The following ZFPM2 variants were observed in gnomAD, a reference collection of about 807,000 sequenced individuals.
ZFPM2 encodes the protein zinc finger protein, FOG family member 2.
Under a neutral mutation model 98.6 loss-of-function variants are expected in ZFPM2, and 20 were observed. The observed-to-expected ratio is 0.20, with a 90% CI of 0.14 to 0.29. ZFPM2 has a LOEUF of 0.29. Among genes scored for constraint, ZFPM2 ranks in the 10% least tolerant of loss-of-function variants. The pLI is 1.00. For synonymous variants in ZFPM2, 518 were observed against 502.7 expected (o/e 1.03, Z -0.41); for missense variants, 1,310 against 1,388.6 (o/e 0.94, Z 0.90).
At chr8:105,326,881 CTA>C (rs1424075039) in intron 1 of ZFPM2, among the ~76,000 whole-genome samples, 1 of 150,502 alleles carries the variant, frequency 6.6e-6, no homozygotes, top group Non-Finnish European at 1.5e-5. Context: ...TATACATAGA[CTA>C]TCACAAAATA....
intron 1 of ZFPM2, among the ~76,000 whole-genome samples, chr8:105,329,555 A>G (rs1293229903): frequency 1.3e-5 from 2 of 151,814 alleles, no homozygotes; most frequent in Non-Finnish European, 1.5e-5. Flanking sequence ...TTGTAATCTT[A>G]TGGGGTAAAG....
chr8:105,527,741 G>A (rs1814206315), intron 3 of ZFPM2, among the ~76,000 whole-genome samples: 1 of 152,152 alleles, frequency 6.6e-6, no homozygotes, highest in African/African-American at 2.4e-5. Context: ...GGAGCTAATT[G>A]GAAATGCAGT....
chr8:105,546,883 A>G (rs1200405584), intron 3 of ZFPM2, among the ~76,000 whole-genome samples: 3 of 152,172 alleles, frequency 2.0e-5, no homozygotes, highest in Admixed American at 6.5e-5. Context: ...ATAAGAATCT[A>G]TAAAATTTAC....
At chr8:105,385,903 TTC>T (rs1471635181) in intron 1 of ZFPM2, among the ~76,000 whole-genome samples, 1 of 152,150 alleles carries the variant, frequency 6.6e-6, no homozygotes, top group Non-Finnish European at 1.5e-5. Flanking sequence ...AGTATATGGG[TTC>T]TGAGGTCAGA....
intron 1 of ZFPM2, among the ~76,000 whole-genome samples, chr8:105,335,315 T>G (rs893639944): frequency 1.3e-5 from 2 of 151,804 alleles, no homozygotes; most frequent in African/African-American, 4.8e-5. Context: ...CAGTTTTATT[T>G]AATTCATTCT....
chr8:105,534,126 C>T (rs1320102832), intron 3 of ZFPM2, among the ~76,000 whole-genome samples: 2 of 53,192 alleles, frequency 3.8e-5, no homozygotes, highest in East Asian at 5.6e-4. Context: ...TCCCTTCCTT[C>T]CTCCCTTCCT....
At chr8:105,352,584 A>G (rs1296174864) in intron 1 of ZFPM2, among the ~76,000 whole-genome samples, 4 of 144,528 alleles carry the variant, frequency 2.8e-5, no homozygotes, top group Non-Finnish European at 4.5e-5. Context: ...TTCCCATTTT[A>G]CCGTTTTTTT....
intron 3 of ZFPM2, among the ~76,000 whole-genome samples, chr8:105,543,524 ATC>A (rs981683896): frequency 5.9e-5 from 9 of 152,158 alleles, no homozygotes; most frequent in East Asian, 5.8e-4. Context: ...ATAAAATCAA[ATC>A]TCTCTCTTTT....
intron 5 of ZFPM2, among the ~76,000 whole-genome samples, chr8:105,655,076 T>A (rs2130876104): frequency 6.6e-6 from 1 of 152,316 alleles, no homozygotes; most frequent in South Asian, 2.1e-4. Context: ...GAATAAAATT[T>A]GAATTTGTCC....
intron 2 of ZFPM2, among the ~76,000 whole-genome samples, chr8:105,436,620 T>C (rs1484730731): frequency 6.6e-6 from 1 of 152,174 alleles, no homozygotes; most frequent in Non-Finnish European, 1.5e-5. Context: ...TTGCTTGCCA[T>C]GTAGTCGACT....
At chr8:105,356,745 G>A (rs966605045) in intron 1 of ZFPM2, among the ~76,000 whole-genome samples, 12 of 152,168 alleles carry the variant, frequency 7.9e-5, no homozygotes, top group African/African-American at 1.7e-4. Flanking sequence ...TCCTTCCCCC[G>A]ACAGTTGATG....
At chr8:105,694,282 A>C (rs527339689) in intron 5 of ZFPM2, among the ~76,000 whole-genome samples, 4 of 152,092 alleles carry the variant, frequency 2.6e-5, no homozygotes, top group South Asian at 2.1e-4. Flanking sequence ...CACCGCGCCC[A>C]GCCTCTCCAA....
intron 5 of ZFPM2, among the ~76,000 whole-genome samples, chr8:105,742,306 A>T (rs1408444796): frequency 6.7e-6 from 1 of 149,984 alleles, no homozygotes; most frequent in Non-Finnish European, 1.5e-5. Context: ...TGAGCCCAGT[A>T]GTTCAAGGCT....
chr8:105,769,564 C>T (rs1369311456), intron 5 of ZFPM2, among the ~76,000 whole-genome samples: 2 of 151,986 alleles, frequency 1.3e-5, no homozygotes, highest in Admixed American at 6.6e-5. Flanking sequence ...TTAGGTTTCT[C>T]ACTTTACTAT....
At chr8:105,436,382 G>A (rs1812119333) in intron 2 of ZFPM2, among the ~76,000 whole-genome samples, 1 of 151,924 alleles carries the variant, frequency 6.6e-6, no homozygotes, top group Non-Finnish European at 1.5e-5. Context: ...GACTGGGTGT[G>A]GTGGTATGTG....
intron 7 of ZFPM2, 135 bp from the exon 8 acceptor site, chr8:105,800,912 G>C: frequency 1.2e-6 from 1 of 800,292 alleles, no homozygotes; most frequent in Non-Finnish European, 2.0e-6. Context: ...CAAGAAAACA[G>C]TTAATATCAC....
chr8:105,419,286 A>G lies in ZFPM2; in HGVS notation c.183A>G (p.Glu61=), dbSNP rs189281521. ...AAAATCTGAGCTGCGAAGAAGTGGA[A>G]TACTTTTGTAACAAAGGTAATTGTT... The part of the protein sequence containing the change: ...GPENLSCEEV[E]YFCNKGDDEG... The change falls in exon 2 of 8, where the codon GAA becomes GAG. Residue 61 remains glutamate (E), a synonymous_variant. Transcript: ENST00000407775. 6 of 1,613,448 alleles carry G rather than the reference A, an allele frequency of 3.7e-6. No homozygotes were observed. The highest frequency in any genetic ancestry group is 1.7e-4 in the Middle Eastern group (1 of 6,060).
chr8:105,644,688 A>G (rs1480316513), intron 5 of ZFPM2, among the ~76,000 whole-genome samples: 1 of 152,170 alleles, frequency 6.6e-6, no homozygotes, highest in African/African-American at 2.4e-5. Flanking sequence ...GAGACTGGGA[A>G]GTCCATGATT....
intron 5 of ZFPM2, among the ~76,000 whole-genome samples, chr8:105,697,224 G>C (rs1453076674): frequency 1.3e-5 from 2 of 152,056 alleles, no homozygotes; most frequent in Non-Finnish European, 2.9e-5. Context: ...CCATAATGAA[G>C]GTTAGAATGA....
Sources: allele counts gnomAD v4.1 joint callset (sites outside exome capture counted in the v4.1 genomes callset), GRCh38; gene constraint gnomAD v4.1.1; transcripts MANE v1.5; gene names NCBI Gene and HGNC (gene_info 2026-07-23, HGNC 2026-07-21).